MYOCD: variants seen among roughly 807,000 people sequenced by gnomAD.
MYOCD encodes the protein myocardin.
In MYOCD, 32 loss-of-function variants were observed where a neutral mutation model predicts 96.1. The ratio of observed to expected loss-of-function variants is 0.33; its 90% CI spans 0.25 to 0.45. The LOEUF (loss-of-function observed/expected upper bound fraction) is 0.45. MYOCD is among the 20% of genes least tolerant of loss of function. The pLI, the probability that MYOCD is intolerant of heterozygous loss-of-function variation, is 1.00. For missense variants in MYOCD, 1,133 were observed against 1,200.6 expected, an observed-to-expected ratio of 0.94 and a Z score of 0.83; for synonymous variants, 469 against 469.0, an observed-to-expected ratio of 1.00 and a Z score of 0.00.
intron 5 of MYOCD, among the ~76,000 whole-genome samples, chr17:12,726,219 G>A (rs1158889855): frequency 6.6e-6 from 1 of 152,080 alleles, no homozygotes; most frequent in East Asian, 1.9e-4. Context: ...CTACAGCGAG[G>A]GTGGCACTTT....
At chr17:12,761,189 C>T (rs1469345693) in intron 13 of MYOCD, 1 of 154,682 alleles carries the variant, frequency 6.5e-6, no homozygotes, top group African/African-American at 2.4e-5. Flanking sequence ...CTTTTTGTCA[C>T]CTTTTAATTT....
intron 10 of MYOCD, among the ~76,000 whole-genome samples, chr17:12,755,379 G>A (rs1181714762): frequency 6.6e-6 from 1 of 152,166 alleles, no homozygotes; most frequent in Non-Finnish European, 1.5e-5. Flanking sequence ...GGGAGGCCGA[G>A]GTGGGCGGAT....
intron 4 of MYOCD, among the ~76,000 whole-genome samples, 160 bp downstream of exon 4, chr17:12,717,581 T>G (rs2031688332): frequency 6.6e-6 from 1 of 152,154 alleles, no homozygotes; most frequent in African/African-American, 2.4e-5. Context: ...CTAGGCCACG[T>G]AGATACCCAA....
chr17:12,762,211 C>T (rs780390210), intron 13 of MYOCD: 1 of 152,264 alleles, frequency 6.6e-6, no homozygotes, highest in Admixed American at 6.5e-5. Flanking sequence ...CAGGTTCCTC[C>T]AGGTGTGGGG....
rs1160036382 is a variant in MYOCD at position 12,766,149 on chromosome 17, G to C, written c.*2505G>C. ...CACTTTTCAGGTGTCACGTTTTGCT[G>C]TTTGTATGTTTTTTCTTCCCCTTAC... is the stretch of plus-strand genomic sequence containing the variant. On this transcript the variant is annotated 3_prime_UTR_variant, in exon 14 of 14. Coordinates refer to ENST00000425538, the MANE Select transcript of MYOCD (RefSeq NM_001146312.3). 6.6e-6 allele frequency: 1 copy of C among 152,166 alleles called. No individual in the cohort carries two copies. The highest frequency in any genetic ancestry group is 1.5e-5 in the Non-Finnish European group (1 of 68,032). 9.4% of individuals were successfully genotyped at this position (152,166 alleles called of 1,614,324 possible).
At chr17:12,738,571 CAT>C (rs1009986738) in intron 6 of MYOCD, among the ~76,000 whole-genome samples, 2 of 152,214 alleles carry the variant, frequency 1.3e-5, no homozygotes, top group African/African-American at 4.8e-5. Context: ...TGCACACACA[CAT>C]ATATACACAC....
chr17:12,726,142 TAGAA>T (rs2031992770), intron 5 of MYOCD, among the ~76,000 whole-genome samples: 1 of 152,134 alleles, frequency 6.6e-6, no homozygotes, highest in Admixed American at 6.5e-5. Flanking sequence ...ATTTCTTGCT[TAGAA>T]AGAGTTCAGA....
At position 12,666,096 on chromosome 17, in the gene MYOCD, G is replaced by T. The variant is rs1481558111; in HGVS notation, c.-93G>T. The T allele has an allele frequency of 1.6e-5, 14 of 891,888 alleles. No homozygotes were observed. Among genetic ancestry groups the T allele is most frequent in the Non-Finnish European group, 2.6e-5 (14 of 538,756 alleles). 55.2% of individuals were successfully genotyped at this position (891,888 alleles called of 1,614,324 possible). On this transcript the variant is annotated 5_prime_UTR_variant, in exon 1 of 14. Transcript: ENST00000425538. ...CGGAGAGTTGGATGAATTCTGGGTTGTTAGCTGCGGTCAGCTGGGCTCCCG... is the reference window on the plus strand; with the variant it reads ...CGGAGAGTTGGATGAATTCTGGGTTTTTAGCTGCGGTCAGCTGGGCTCCCG...
At chr17:12,704,559 A>C (rs1006935434) in intron 1 of MYOCD, among the ~76,000 whole-genome samples, 2 of 152,236 alleles carry the variant, frequency 1.3e-5, no homozygotes, top group African/African-American at 4.8e-5. Flanking sequence ...AGATTCTCAT[A>C]ATACTACCAC....
At chr17:12,676,245 GCACACACACACACACACA>G (rs36211306) in intron 1 of MYOCD, among the ~76,000 whole-genome samples, 39 of 145,586 alleles carry the variant, frequency 2.7e-4, no homozygotes, top group Admixed American at 1.2e-3. Flanking sequence ...GCGCGCGCAC[GCACACACACACACACACA>G]CACACACACA....
intron 1 of MYOCD, among the ~76,000 whole-genome samples, chr17:12,675,712 G>A (rs1261672797): frequency 6.6e-6 from 1 of 152,120 alleles, no homozygotes; most frequent in Admixed American, 6.6e-5. Context: ...CAAAAAATTA[G>A]CCTGGCACTG....
chr17:12,672,778 G>C (rs913250245), intron 1 of MYOCD, among the ~76,000 whole-genome samples: 2 of 152,156 alleles, frequency 1.3e-5, no homozygotes, highest in African/African-American at 2.4e-5. Flanking sequence ...AGTGAATTAA[G>C]CCACTGTAAT....
chr17:12,720,008 C>T (rs1050551849), intron 4 of MYOCD, among the ~76,000 whole-genome samples: 1 of 151,942 alleles, frequency 6.6e-6, no homozygotes, highest in African/African-American at 2.4e-5. Context: ...AGACTAGGAG[C>T]TTTTATATGT....
At chr17:12,693,563 T>C (rs1381807971) in intron 1 of MYOCD, among the ~76,000 whole-genome samples, 3 of 151,432 alleles carry the variant, frequency 2.0e-5, no homozygotes, top group Admixed American at 6.6e-5. Flanking sequence ...TGAGCCAAGA[T>C]TGTGCCATTG....
At chr17:12,707,419 A>G (rs2031328322) in intron 2 of MYOCD, among the ~76,000 whole-genome samples, 1 of 152,048 alleles carries the variant, frequency 6.6e-6, no homozygotes, top group African/African-American at 2.4e-5. Context: ...AAGCACACAG[A>G]AGCAGGCTGG....
chr17:12,763,176 T>G lies in MYOCD; in HGVS notation c.2493T>G (p.Ala831=). The G allele has an allele frequency of 6.2e-7, 1 of 1,614,150 alleles. No individual in the cohort carries two copies. The highest frequency in any genetic ancestry group is 8.5e-7 in the Non-Finnish European group (1 of 1,180,026). The part of the protein sequence containing the change: ...SPTAVLTKPS[A]SFEQASSGSQ... The stretch of plus-strand genomic sequence containing the variant: ...CTGCTGTCCTCACCAAGCCCTCGGC[T>G]TCCTTTGAACAAGCCTCTTCAGGCA... The change falls in exon 14 of 14, where the codon GCT becomes GCG. Residue 831 remains alanine, a synonymous_variant. Coordinates refer to ENST00000425538, the MANE Select transcript of MYOCD (RefSeq NM_001146312.3).
intron 1 of MYOCD, among the ~76,000 whole-genome samples, chr17:12,692,045 A>G (rs1397602030): frequency 6.6e-6 from 1 of 152,240 alleles, no homozygotes; most frequent in African/African-American, 2.4e-5. Flanking sequence ...AAAGAAAGGA[A>G]TAGGAAAGAA....
chr17:12,705,022 G>A, intron 1 of MYOCD, 106 bp from the exon 2 acceptor site: 1 of 706,490 alleles, frequency 1.4e-6, no homozygotes, highest in South Asian at 1.9e-5. Context: ...ATAATTTACA[G>A]AACTCTTTTA....
chr17:12,745,375 A>T (rs549175869), intron 8 of MYOCD, among the ~76,000 whole-genome samples: 3 of 151,838 alleles, frequency 2.0e-5, no homozygotes, highest in African/African-American at 7.3e-5. Flanking sequence ...ACGCCCGGCT[A>T]ATTTTGTATT....
Sources: gnomAD v4.1 joint callset for allele counts (sites outside exome capture counted in the v4.1 genomes callset) on GRCh38, gnomAD v4.1.1 for gene constraint, MANE v1.5 for transcripts, NCBI Gene and HGNC (gene_info 2026-07-23, HGNC 2026-07-21) for gene names.